Variants in CNTN4 observed in about 807,000 individuals in gnomAD.
The protein encoded by CNTN4 is contactin-4.
A neutral mutation model predicts 122.5 loss-of-function variants in CNTN4; 77 were observed. That is an observed-to-expected ratio of 0.63 (90% CI 0.52 to 0.76). The LOEUF is 0.76. CNTN4 is among the 30% of genes least tolerant of loss of function. The pLI, the probability that CNTN4 is intolerant of heterozygous loss-of-function variation, is 0.00. For synonymous variants in CNTN4, 512 were observed against 447.0 expected (o/e 1.15, Z -1.83); for missense variants, 1,256 against 1,259.1 (o/e 1.00, Z 0.04).
chr3:2,975,959 T>A (rs1411845231), intron 13 of CNTN4, among the ~76,000 whole-genome samples: 2 of 152,306 alleles, frequency 1.3e-5, no homozygotes, highest in East Asian at 1.9e-4. Context: ...GAATTCTAAA[T>A]CTTATATTAG....
chr3:2,955,497 G>A (rs760536301), intron 13 of CNTN4, among the ~76,000 whole-genome samples: 9 of 152,124 alleles, frequency 5.9e-5, no homozygotes, highest in Non-Finnish European at 1.0e-4. Context: ...TAAATATTCA[G>A]ATATTCAATT....
At chr3:2,398,320 T>G (rs2046713895) in intron 3 of CNTN4, among the ~76,000 whole-genome samples, 2 of 152,120 alleles carry the variant, frequency 1.3e-5, no homozygotes, top group Non-Finnish European at 2.9e-5. Context: ...TAGTGTGAAA[T>G]AACTCATTTT....
intron 8 of CNTN4, among the ~76,000 whole-genome samples, chr3:2,868,235 A>G (rs1040765643): frequency 2.6e-5 from 4 of 152,184 alleles, no homozygotes; most frequent in African/African-American, 7.2e-5. Context: ...TCAATCAATT[A>G]TATGATAAAC....
At chr3:2,294,282 T>C (rs1390451504) in intron 2 of CNTN4, among the ~76,000 whole-genome samples, 2 of 150,496 alleles carry the variant, frequency 1.3e-5, no homozygotes, top group East Asian at 3.9e-4. Context: ...GGCAGAAGAG[T>C]TGTGACTTTT....
intron 4 of CNTN4, among the ~76,000 whole-genome samples, chr3:2,583,125 T>G (rs2080022696): frequency 6.6e-6 from 1 of 152,208 alleles, no homozygotes; most frequent in Non-Finnish European, 1.5e-5. Flanking sequence ...GCATTCCTCT[T>G]GGAATGGAAA....
intron 3 of CNTN4, among the ~76,000 whole-genome samples, chr3:2,528,627 T>C (rs9848063): frequency 6.6e-6 from 1 of 152,184 alleles, no homozygotes; most frequent in African/African-American, 2.4e-5. Flanking sequence ...GATAGTATAG[T>C]GCATTATTGA....
chr3:2,907,796 G>A (rs1057186553), intron 12 of CNTN4, among the ~76,000 whole-genome samples: 7 of 152,144 alleles, frequency 4.6e-5, no homozygotes, highest in African/African-American at 1.7e-4. Flanking sequence ...GGTATTTAAT[G>A]TGTATGTAAC....
At chr3:2,281,075 A>C (rs2041697204) in intron 2 of CNTN4, among the ~76,000 whole-genome samples, 1 of 152,214 alleles carries the variant, frequency 6.6e-6, no homozygotes, top group Admixed American at 6.5e-5. Context: ...GTGACCTAAC[A>C]AGCAAAGTTA....
At chr3:2,594,896 C>T (rs966710772) in intron 4 of CNTN4, among the ~76,000 whole-genome samples, 5 of 152,050 alleles carry the variant, frequency 3.3e-5, no homozygotes, top group Non-Finnish European at 7.4e-5. Context: ...TATTTCTTGC[C>T]TCTGATCCCA....
chr3:2,192,765 G>C (rs1244091016), intron 2 of CNTN4, among the ~76,000 whole-genome samples: 2 of 152,116 alleles, frequency 1.3e-5, no homozygotes, highest in Non-Finnish European at 2.9e-5. Flanking sequence ...ATGGCTTACT[G>C]ATTTTTCTCT....
intron 13 of CNTN4, among the ~76,000 whole-genome samples, chr3:2,926,837 A>G (rs1403740136): frequency 1.3e-5 from 2 of 152,188 alleles, no homozygotes; most frequent in Non-Finnish European, 2.9e-5. Context: ...TTTGTGGTAT[A>G]CATCCCTTTC....
chr3:2,147,555 C>G (rs1477097777), intron 2 of CNTN4, among the ~76,000 whole-genome samples: 1 of 152,124 alleles, frequency 6.6e-6, no homozygotes, highest in Non-Finnish European at 1.5e-5. Flanking sequence ...CCCCCTCTTT[C>G]CCGTCCTCCA....
chr3:2,195,657 A>G (rs952688989), intron 2 of CNTN4, among the ~76,000 whole-genome samples: 30 of 152,184 alleles, frequency 2.0e-4, no homozygotes, highest in African/African-American at 6.5e-4. Context: ...CATGTTTGGC[A>G]CTTGTTCTGA....
intron 2 of CNTN4, among the ~76,000 whole-genome samples, chr3:2,132,874 T>C (rs2034517785): frequency 6.6e-6 from 1 of 152,152 alleles, no homozygotes; most frequent in African/African-American, 2.4e-5. Flanking sequence ...AAATAAGATG[T>C]AGATTTTGAA....
At chr3:2,658,875 A>G (rs2083722350) in intron 4 of CNTN4, among the ~76,000 whole-genome samples, 1 of 151,858 alleles carries the variant, frequency 6.6e-6, no homozygotes, top group African/African-American at 2.4e-5. Context: ...CCAGAAAGGG[A>G]TAAGCTGCAA....
chr3:2,475,311 T>A (rs1454741779), intron 3 of CNTN4, among the ~76,000 whole-genome samples: 1 of 152,228 alleles, frequency 6.6e-6, no homozygotes, highest in Admixed American at 6.5e-5. Flanking sequence ...ACTAAAGCAC[T>A]AACCTCTTTT....
At chr3:2,147,532 C>T (rs1392861374) in intron 2 of CNTN4, among the ~76,000 whole-genome samples, 1 of 152,118 alleles carries the variant, frequency 6.6e-6, no homozygotes, top group East Asian at 1.9e-4. Flanking sequence ...GTAACATCTT[C>T]CAACACATAT....
At position 3,040,132 on chromosome 3, in the gene CNTN4, C is replaced by G. The variant is rs1194762018; in HGVS notation, c.2259C>G (p.Ala753=). Residue 753 remains alanine, a synonymous_variant, in exon 20 of 25, where the codon GCC becomes GCG. Transcript: ENST00000418658. ...TGATCTGGATGCTGACAGTGCTGGC[C>G]TCAGCTGATGCCTCTAGATACGTGT... ...GKMIWMLTVL[A]SADASRYVFR... 6.2e-7 allele frequency: 1 copy of G among 1,614,122 alleles called. No individual in the cohort carries two copies. The highest frequency in any genetic ancestry group is 1.1e-5 in the South Asian group (1 of 91,080).
chr3:2,887,632 G>A (rs926725974), intron 10 of CNTN4, among the ~76,000 whole-genome samples: 10 of 150,528 alleles, frequency 6.6e-5, no homozygotes, highest in African/African-American at 2.4e-4. Flanking sequence ...CTAATCTTTT[G>A]TAATTGCTCC....
Sources: gnomAD v4.1 joint callset for allele counts (sites outside exome capture counted in the v4.1 genomes callset) on GRCh38, gnomAD v4.1.1 for gene constraint, MANE v1.5 for transcripts, NCBI Gene and HGNC (gene_info 2026-07-23, HGNC 2026-07-21) for gene names.